The following PPP2R2C variants were observed in gnomAD, a reference collection of about 807,000 sequenced individuals.
PPP2R2C encodes protein phosphatase 2, regulatory subunit B, gamma.
In PPP2R2C, 10 loss-of-function variants were observed where a neutral mutation model predicts 45.3. The observed-to-expected ratio is 0.22, with a 90% CI of 0.14 to 0.37. The LOEUF (loss-of-function observed/expected upper bound fraction) is 0.37, where lower values mean the gene tolerates loss of function less well. Ranked by LOEUF, PPP2R2C falls within the 10% of genes least tolerant of loss-of-function variation. The probability of loss-of-function intolerance (pLI) is 1.00; values close to 1 mark genes in which losing one functional copy is unlikely to be tolerated. For missense variants in PPP2R2C, 308 were observed against 619.7 expected, an observed-to-expected ratio of 0.50 and a Z score of 5.34; for synonymous variants, 257 against 245.4, an observed-to-expected ratio of 1.05 and a Z score of -0.44.
In PPP2R2C at chr4:6,378,650, G is replaced by C. The variant is rs1316586808; in HGVS notation, c.169-78C>G. 10 of 1,470,758 alleles carry C rather than the reference G, an allele frequency of 6.8e-6. No homozygotes were observed. In the East Asian group the frequency reaches 2.1e-4, roughly 30 times the overall value. The allele number at this position is 1,470,758 out of a possible 1,614,324, so 91.1% of individuals were successfully genotyped here. A position where few individuals can be genotyped will look rare whatever the true frequency, so the allele number is the denominator to read the frequency against. On this transcript the variant is annotated intron_variant, in intron 2 of 8. Coordinates refer to ENST00000382599, the MANE Select transcript of PPP2R2C (RefSeq NM_020416.4). The surrounding 1 kb of genome is among the most constrained non-coding windows in gnomAD (Gnocchi z 5.2). ...GCTAGGACCTCCGGGGACCCAGCAG[G>C]GCCGGCCGTGGGACCAAGTGCCGAG...
At chr4:6,542,701 T>C (rs367699924) in intron 1 of PPP2R2C, among the ~76,000 whole-genome samples, 1 of 4,088 alleles carries the variant, frequency 2.4e-4, no homozygotes, top group African/African-American at 3.4e-4. Context: ...AGACTCTGTC[T>C]CAAAAAAAAA....
At chr4:6,519,948 T>C (rs1304513413) in intron 2 of PPP2R2C, among the ~76,000 whole-genome samples, 1 of 152,092 alleles carries the variant, frequency 6.6e-6, no homozygotes, top group African/African-American at 2.4e-5. Context: ...TCTCACCACC[T>C]GGGGTGAGCT....
rs4234734 is a variant in PPP2R2C, at chr4:6,331,403, T to C, written c.961-2050A>G. Among the ~76,000 whole-genome samples the C allele has an allele frequency of 1, 152,210 of 152,210 alleles. 76,105 individuals are homozygous for C. The highest frequency in any genetic ancestry group is 1 in the Non-Finnish European group (68,024 of 68,024). On this transcript the variant is annotated intron_variant, in intron 7 of 8. Transcript: ENST00000382599. This position sits in a 1 kb window ranked among gnomAD's most constrained non-coding sequence, Gnocchi z 5.9. ...GGAGGCTTAGATGAGGCAAAGCATA[T>C]TATGGACTTACCTCAGTGTGGCTCA...
At chr4:6,546,822 A>G (rs1725001834) in intron 1 of PPP2R2C, among the ~76,000 whole-genome samples, 1 of 152,164 alleles carries the variant, frequency 6.6e-6, no homozygotes, top group East Asian at 1.9e-4. Flanking sequence ...GGTGGTCCTT[A>G]TGAAAAAGGG....
At chr4:6,429,096 CCATGTGTAGATACA>C (rs1719484317) in intron 1 of PPP2R2C, among the ~76,000 whole-genome samples, 1 of 1,536 alleles carries the variant, frequency 6.5e-4, no homozygotes, top group Non-Finnish European at 1.7e-3. Flanking sequence ...TAGATACATG[CCATGTGTAGATACA>C]TGGGCATGAC....
At chr4:6,399,182 CA>C (rs1162953667) in intron 1 of PPP2R2C, among the ~76,000 whole-genome samples, 2 of 152,160 alleles carry the variant, frequency 1.3e-5, no homozygotes, top group Non-Finnish European at 2.9e-5. Context: ...ATTTCACAAA[CA>C]TATACATAGC....
At chr4:6,468,527 C>T (rs1006780932) in intron 1 of PPP2R2C, among the ~76,000 whole-genome samples, 2 of 152,126 alleles carry the variant, frequency 1.3e-5, no homozygotes, top group African/African-American at 2.4e-5. Context: ...TGCCTCTGGC[C>T]TCAGCTGAAA....
intron 5 of PPP2R2C, among the ~76,000 whole-genome samples, chr4:6,366,845 A>T (rs577421630): frequency 6.6e-6 from 1 of 152,292 alleles, no homozygotes; most frequent in South Asian, 2.1e-4. Flanking sequence ...CCAAAGGCAC[A>T]GGGCACTGTG....
At chr4:6,475,990 C>T (rs1577211358), upstream of PPP2R2C, among the ~76,000 whole-genome samples, 1 of 152,282 alleles carries the variant, frequency 6.6e-6, no homozygotes, top group Admixed American at 6.5e-5. Context: ...CAGGTGCTCA[C>T]GGGAGCACAC....
At chr4:6,536,404 C>T (rs1724615820) in intron 1 of PPP2R2C, among the ~76,000 whole-genome samples, 1 of 152,090 alleles carries the variant, frequency 6.6e-6, no homozygotes, top group African/African-American at 2.4e-5. Context: ...GGAGACTCAC[C>T]AGTCATTCAC....
intron 5 of PPP2R2C, among the ~76,000 whole-genome samples, chr4:6,360,151 A>G (rs1713597727): frequency 6.6e-6 from 1 of 152,164 alleles, no homozygotes; most frequent in South Asian, 2.1e-4. Context: ...TGCCAACCCC[A>G]CCCAGGAGGA....
intron 2 of PPP2R2C, among the ~76,000 whole-genome samples, chr4:6,489,481 A>G (rs1722627421): frequency 6.6e-6 from 1 of 152,076 alleles, no homozygotes; most frequent in African/African-American, 2.4e-5. Context: ...ATGCTCCACA[A>G]AACTCCTTTT....
intron 2 of PPP2R2C, among the ~76,000 whole-genome samples, chr4:6,518,922 TAAAAAAAAAA>T (rs56002128): frequency 0.42 from 39,354 of 94,074 alleles, 7,878 homozygotes; most frequent in Admixed American, 0.51. Context: ...GACTCTGTCT[TAAAAAAAAAA>T]AAAAAAAAAA....
chr4:6,500,260 G>C (rs192070957), intron 2 of PPP2R2C, among the ~76,000 whole-genome samples: 1 of 152,136 alleles, frequency 6.6e-6, no homozygotes, highest in African/African-American at 2.4e-5. Flanking sequence ...CGATTCTCTT[G>C]TCTCAGCCTT....
At chr4:6,395,353 C>A (rs1013357204) in intron 1 of PPP2R2C, among the ~76,000 whole-genome samples, 1 of 152,188 alleles carries the variant, frequency 6.6e-6, no homozygotes, top group Non-Finnish European at 1.5e-5. Flanking sequence ...TGCCAGGCAA[C>A]GGGAATTCAG....
rs111672637 is a variant in PPP2R2C at position 6,457,183 on chromosome 4, G to T, written c.70+14977C>A. 7.8e-3 allele frequency among the ~76,000 whole-genome samples: 1,020 copies of T among 130,210 alleles called. 10 individuals carry two copies. Among genetic ancestry groups the T allele is most frequent in the African/African-American group, 0.026 (955 of 36,546 alleles). 85.4% of individuals were successfully genotyped at this position (130,210 alleles called of 152,430 possible). ...ACATGACACCACTGTACCCCGACCT[G>T]GGCGACAGAGCGAGACTCCATCTCA... is the stretch of plus-strand genomic sequence containing the variant. On this transcript the variant is annotated intron_variant, in intron 1 of 8. Coordinates refer to ENST00000382599, the MANE Select transcript of PPP2R2C (RefSeq NM_020416.4).
intron 1 of PPP2R2C, among the ~76,000 whole-genome samples, chr4:6,390,529 G>A (rs961735226): frequency 2.0e-5 from 3 of 152,240 alleles, no homozygotes; most frequent in Non-Finnish European, 4.4e-5. Flanking sequence ...TCACCCTCCA[G>A]CAGGGAGCAC....
intron 5 of PPP2R2C, among the ~76,000 whole-genome samples, chr4:6,370,159 A>G (rs1412017300): frequency 6.6e-6 from 1 of 152,230 alleles, no homozygotes; most frequent in Non-Finnish European, 1.5e-5. Flanking sequence ...GGCCGAGGCC[A>G]GGGCAAAAGC....
intron 1 of PPP2R2C, among the ~76,000 whole-genome samples, chr4:6,562,962 C>CAAAAAAAAAAA (rs746793663): frequency 1.9e-4 from 16 of 83,252 alleles, no homozygotes; most frequent in African/African-American, 7.3e-4. Context: ...CCCTGCCAGC[C>CAAAAAAAAAAA]AAAAAAAAAA....
Sources: gnomAD v4.1 joint callset for allele counts (sites outside exome capture counted in the v4.1 genomes callset) on GRCh38, gnomAD v4.1.1 for gene constraint, Gnocchi (gnomAD v3.1) non-coding constraint, MANE v1.5 for transcripts, NCBI Gene and HGNC (gene_info 2026-07-23, HGNC 2026-07-21) for gene names.